The following RIT2 variants were observed in gnomAD, a reference collection of about 807,000 sequenced individuals.
RIT2 encodes GTP-binding protein Rit2.
RIT2 carries 24 observed loss-of-function variants against 23.7 expected under a neutral mutation model. The ratio of observed to expected loss-of-function variants is 1.01; its 90% CI spans 0.73 to 1.43. The LOEUF is 1.43. RIT2 is among the 40% of genes most tolerant of loss of function. The probability of loss-of-function intolerance (pLI) is 0.00; values close to 1 mark genes in which losing one functional copy is unlikely to be tolerated. For missense variants in RIT2, 236 were observed against 266.9 expected (o/e 0.88, Z 0.81); for synonymous variants, 107 against 91.1 (o/e 1.17, Z -0.99).
chr18:42,887,115 A>C (rs1908043146), intron 4 of RIT2, among the ~76,000 whole-genome samples: 1 of 152,176 alleles, frequency 6.6e-6, no homozygotes, highest in South Asian at 2.1e-4. Flanking sequence ...ACTTTGGAGA[A>C]AAAGATATAA....
intron 2 of RIT2, among the ~76,000 whole-genome samples, chr18:42,990,037 GTGTGTA>G (rs1910804710): frequency 7.8e-6 from 1 of 128,904 alleles, no homozygotes; most frequent in South Asian, 2.6e-4. Context: ...GTGTGTGTGT[GTGTGTA>G]TGAATTTATT....
intron 4 of RIT2, among the ~76,000 whole-genome samples, chr18:42,778,017 G>T (rs1913714918): frequency 6.6e-6 from 1 of 152,134 alleles, no homozygotes; most frequent in African/African-American, 2.4e-5. Flanking sequence ...TGGTTTTCAG[G>T]AAAACTTTTT....
chr18:42,939,680 G>GA (rs1020469552), intron 3 of RIT2, among the ~76,000 whole-genome samples: 57 of 149,438 alleles, frequency 3.8e-4, no homozygotes, highest in African/African-American at 1.1e-3. Context: ...TTTTTGCAAA[G>GA]AAAAAAAAAT....
chr18:43,052,015 ACT>A (rs1323184314), intron 1 of RIT2, among the ~76,000 whole-genome samples: 1 of 152,010 alleles, frequency 6.6e-6, no homozygotes, highest in Non-Finnish European at 1.5e-5. Flanking sequence ...TATACCCAGG[ACT>A]CTGCCAAAGT....
At chr18:42,913,417 T>C (rs1038249774) in intron 4 of RIT2, among the ~76,000 whole-genome samples, 1 of 151,764 alleles carries the variant, frequency 6.6e-6, no homozygotes, top group African/African-American at 2.4e-5. Context: ...TTTTACTCTG[T>C]AAAAGATCCC....
At chr18:42,950,427 A>G (rs1224204001) in intron 3 of RIT2, among the ~76,000 whole-genome samples, 1 of 152,126 alleles carries the variant, frequency 6.6e-6, no homozygotes, top group African/African-American at 2.4e-5. Flanking sequence ...TAAGACCTCA[A>G]ACTATAAGAA....
intron 4 of RIT2, among the ~76,000 whole-genome samples, chr18:42,857,423 A>C (rs986204173): frequency 6.6e-6 from 1 of 152,212 alleles, no homozygotes; most frequent in Admixed American, 6.5e-5. Flanking sequence ...TTGGAAGATA[A>C]AAGTTTTAAT....
chr18:42,841,162 T>C (rs1906757901), intron 4 of RIT2, among the ~76,000 whole-genome samples: 2 of 152,216 alleles, frequency 1.3e-5, no homozygotes, highest in Non-Finnish European at 2.9e-5. Flanking sequence ...ATTAAATGCT[T>C]TTATGAAAAC....
At chr18:43,094,899 T>C (rs1913515122) in intron 1 of RIT2, among the ~76,000 whole-genome samples, 1 of 152,132 alleles carries the variant, frequency 6.6e-6, no homozygotes, top group Non-Finnish European at 1.5e-5. Flanking sequence ...CTCATTTTTT[T>C]TTTATGGCTG....
At position 43,045,144 on chromosome 18, in the gene RIT2, G is replaced by T. The variant is rs1277926499; in HGVS notation, c.104-11277C>A. On this transcript the variant is annotated intron_variant, in intron 1 of 4. Coordinates refer to ENST00000326695, the MANE Select transcript of RIT2 (RefSeq NM_002930.4). ...AAATACCTAAGGAGTATTTCAGTAT[G>T]CAGTGCCCTGCATACCTGTGCCAAC... Among the ~76,000 whole-genome samples the T allele has an allele frequency of 2.0e-5, 3 of 152,050 alleles. No individual in the cohort carries two copies. In the East Asian group the frequency reaches 5.8e-4, roughly 29 times the overall value.
At chr18:42,874,086 C>A (rs766490828) in intron 4 of RIT2, among the ~76,000 whole-genome samples, 18 of 152,122 alleles carry the variant, frequency 1.2e-4, no homozygotes, top group Non-Finnish European at 1.8e-4. Context: ...CAACATAACC[C>A]TGCTCCCATC....
chr18:43,084,219 A>G (rs1913226837), intron 1 of RIT2, among the ~76,000 whole-genome samples: 1 of 152,208 alleles, frequency 6.6e-6, no homozygotes, highest in South Asian at 2.1e-4. Flanking sequence ...GGTGATCATC[A>G]AAACCTCAAG....
intron 4 of RIT2, among the ~76,000 whole-genome samples, chr18:42,832,994 C>T (rs1451551275): frequency 1.5e-5 from 2 of 135,696 alleles, no homozygotes; most frequent in Non-Finnish European, 3.0e-5. Flanking sequence ...ACAGAGGTTG[C>T]AATGAGCTGA....
At chr18:42,945,145 T>C (rs1174582873) in intron 3 of RIT2, among the ~76,000 whole-genome samples, 2 of 152,126 alleles carry the variant, frequency 1.3e-5, no homozygotes, top group Non-Finnish European at 2.9e-5. Context: ...TATCCAATTT[T>C]ATTTTATTCT....
intron 1 of RIT2, among the ~76,000 whole-genome samples, chr18:43,055,893 G>T (rs1912491156): frequency 6.6e-6 from 1 of 152,064 alleles, no homozygotes; most frequent in Non-Finnish European, 1.5e-5. Context: ...GGAAAGACAG[G>T]TACCTTGGTG....
At chr18:42,787,249 G>A (rs192864017) in intron 4 of RIT2, among the ~76,000 whole-genome samples, 88 of 150,144 alleles carry the variant, frequency 5.9e-4, no homozygotes, top group Admixed American at 1.0e-3. Flanking sequence ...TTGTCCTTGC[G>A]ATAGTTTGCT....
intron 4 of RIT2, among the ~76,000 whole-genome samples, chr18:42,914,946 A>G (rs944254813): frequency 1.3e-5 from 2 of 151,948 alleles, no homozygotes; most frequent in Non-Finnish European, 2.9e-5. Context: ...TTATTTCTAA[A>G]TAAACAATTT....
chr18:42,899,877 T>A (rs1231073152), intron 4 of RIT2, among the ~76,000 whole-genome samples: 1 of 152,120 alleles, frequency 6.6e-6, no homozygotes, highest in Non-Finnish European at 1.5e-5. Flanking sequence ...TTTAGTTTAA[T>A]TTACACATTT....
At chr18:42,974,654 T>A (rs1910438885) in intron 2 of RIT2, among the ~76,000 whole-genome samples, 2 of 151,978 alleles carry the variant, frequency 1.3e-5, no homozygotes, top group South Asian at 4.1e-4. Context: ...GACAACATGA[T>A]CTTATATGTA....
Sources: gnomAD v4.1 joint callset for allele counts (sites outside exome capture counted in the v4.1 genomes callset) on GRCh38, gnomAD v4.1.1 for gene constraint, MANE v1.5 for transcripts, NCBI Gene and HGNC (gene_info 2026-07-23, HGNC 2026-07-21) for gene names.